Variants in UST observed in about 807,000 individuals in gnomAD.
UST encodes uronyl 2-sulfotransferase.
In UST, 21 loss-of-function variants were observed where a neutral mutation model predicts 45.6. The observed-to-expected ratio is 0.46, with a 90% CI of 0.33 to 0.66. UST has a LOEUF of 0.66. Among genes scored for constraint, UST ranks in the 30% least tolerant of loss-of-function variants. The pLI, the probability that UST is intolerant of heterozygous loss-of-function variation, is 0.02. For missense variants in UST, 463 were observed against 512.4 expected (o/e 0.90, Z 0.93); for synonymous variants, 215 against 200.6 (o/e 1.07, Z -0.61).
chr6:148,994,211 A>G (rs150785513), intron 5 of UST, among the ~76,000 whole-genome samples: 50 of 152,014 alleles, frequency 3.3e-4, no homozygotes, highest in African/African-American at 1.1e-3. Flanking sequence ...GCCTCAAGTG[A>G]TCCACTTGCC....
At chr6:148,917,299 T>G (rs1048057089) in intron 2 of UST, among the ~76,000 whole-genome samples, 1 of 152,220 alleles carries the variant, frequency 6.6e-6, no homozygotes, top group Admixed American at 6.5e-5. Flanking sequence ...TAGCTGCATT[T>G]AGCCCATTAC....
chr6:148,946,189 T>G (rs1780231228), intron 3 of UST, among the ~76,000 whole-genome samples: 1 of 152,104 alleles, frequency 6.6e-6, no homozygotes, highest in African/African-American at 2.4e-5. Flanking sequence ...CAGGGATCCC[T>G]AAGGCATGGT....
chr6:148,752,072 T>C (rs1480265384), intron 1 of UST, among the ~76,000 whole-genome samples: 2 of 152,222 alleles, frequency 1.3e-5, no homozygotes, highest in African/African-American at 2.4e-5. Flanking sequence ...TATACCACTT[T>C]AAATGGAGAT....
At chr6:148,770,708 C>T (rs1776409481) in intron 1 of UST, among the ~76,000 whole-genome samples, 2 of 152,122 alleles carry the variant, frequency 1.3e-5, no homozygotes, top group Admixed American at 6.5e-5. Context: ...GTCACGTGCA[C>T]CTCTTCCCTC....
At chr6:149,001,171 A>G (rs1021146784) in intron 5 of UST, among the ~76,000 whole-genome samples, 1 of 150,440 alleles carries the variant, frequency 6.6e-6, no homozygotes. Context: ...TCCCAGGTTC[A>G]TGCCATTCTC....
chr6:148,954,138 T>C (rs755268506), intron 4 of UST, among the ~76,000 whole-genome samples, 187 bp downstream of exon 4: 4 of 152,236 alleles, frequency 2.6e-5, no homozygotes, highest in Non-Finnish European at 5.9e-5. Context: ...CCTAGACTAC[T>C]GTCTTAAATC....
chr6:148,868,301 G>T (rs750069294), intron 1 of UST, among the ~76,000 whole-genome samples: 2 of 152,292 alleles, frequency 1.3e-5, no homozygotes, highest in South Asian at 4.1e-4. Context: ...TGGAATTCAC[G>T]AATGTGTTTT....
intron 5 of UST, among the ~76,000 whole-genome samples, chr6:149,009,382 A>G (rs375396518): frequency 3.3e-5 from 5 of 152,296 alleles, no homozygotes. Context: ...AGAGAAGATT[A>G]TTTAAACACA....
At chr6:148,868,906 T>TAAAA (rs1362463317) in intron 1 of UST, among the ~76,000 whole-genome samples, 1 of 152,224 alleles carries the variant, frequency 6.6e-6, no homozygotes, top group African/African-American at 2.4e-5. Context: ...TCGTAAGAGT[T>TAAAA]ACACTTTATG....
At chr6:148,794,933 C>T (rs1233732000) in intron 1 of UST, among the ~76,000 whole-genome samples, 1 of 152,168 alleles carries the variant, frequency 6.6e-6, no homozygotes. Context: ...AGGTCCACAG[C>T]CTCTTTGACG....
chr6:148,957,909 G>T (rs951615930), intron 4 of UST, among the ~76,000 whole-genome samples: 2 of 152,154 alleles, frequency 1.3e-5, no homozygotes, highest in African/African-American at 4.8e-5. Context: ...TAATATTATT[G>T]TTGATATTTC....
intron 5 of UST, among the ~76,000 whole-genome samples, chr6:149,005,055 G>T (rs544150549): frequency 1.3e-5 from 2 of 151,882 alleles, no homozygotes; most frequent in Non-Finnish European, 2.9e-5. Flanking sequence ...GCCCAGGCTG[G>T]TGATCAGATG....
At chr6:148,870,104 T>TCTCACACA (rs377724567) in intron 1 of UST, among the ~76,000 whole-genome samples, 4 of 141,448 alleles carry the variant, frequency 2.8e-5, no homozygotes, top group Non-Finnish European at 6.1e-5. Context: ...TGGTAATGTT[T>TCTCACACA]CACACACACA....
At chr6:148,779,330 A>G (rs1776594057) in intron 1 of UST, among the ~76,000 whole-genome samples, 1 of 152,248 alleles carries the variant, frequency 6.6e-6, no homozygotes, top group Admixed American at 6.5e-5. Flanking sequence ...CTTTTTAAGA[A>G]TACTTTGAGA....
chr6:148,979,919 C>T (rs1218343928), intron 5 of UST, among the ~76,000 whole-genome samples: 1 of 152,182 alleles, frequency 6.6e-6, no homozygotes, highest in Non-Finnish European at 1.5e-5. Flanking sequence ...CATAAATCAG[C>T]ATATGCCTTT....
In UST at chr6:148,982,104, G is replaced by GTT. The variant is rs34290272; in HGVS notation, c.681+17552_681+17553dup. On this transcript the variant is annotated intron_variant, in intron 5 of 7. Transcript: ENST00000367463. Reference sequence around the variant, plus strand: ...GAACTCCCTCCATCAAGCCTTTTTTGTTTTTTTTTTTTGAGATGGAGTCTT... The same window carrying GTT: ...GAACTCCCTCCATCAAGCCTTTTTTGTTTTTTTTTTTTTTGAGATGGAGTCTT... Among the ~76,000 whole-genome samples the GTT allele has an allele frequency of 4.4e-3, 640 of 145,190 alleles. 4 individuals are homozygous for GTT. Among genetic ancestry groups the GTT allele is most frequent in the African/African-American group, 9.5e-3 (374 of 39,484 alleles).
rs1779983312 is a variant in UST, at chr6:148,934,589, A to G, written c.292-6690A>G. ...CAACACACAATGAGACCCCAGGAAG[A>G]CACAACAGTGCCCTTCGCCCCAACT... is the stretch of plus-strand genomic sequence containing the variant. On this transcript the variant is annotated intron_variant, in intron 2 of 7. Coordinates refer to ENST00000367463, the MANE Select transcript of UST (RefSeq NM_005715.3). This position sits in a 1 kb window ranked among gnomAD's most constrained non-coding sequence, Gnocchi z 4.1. Among the ~76,000 whole-genome samples, 2 of 152,144 alleles carry G rather than the reference A, an allele frequency of 1.3e-5. No individual in the cohort carries two copies. Among genetic ancestry groups the G allele is most frequent in the African/African-American group, 4.8e-5 (2 of 41,444 alleles).
In UST at chr6:149,042,999, C is replaced by A. The variant is rs1025800728; in HGVS notation, c.937+21518C>A. Reference sequence around the variant, plus strand: ...TCTTTCTTTCTTTCTTTCTTTCTTTCTTTCTTTCTTTCTTTCTTTCTTTTT... The same window carrying A: ...TCTTTCTTTCTTTCTTTCTTTCTTTATTTCTTTCTTTCTTTCTTTCTTTTT... On this transcript the variant is annotated intron_variant, in intron 7 of 7. Coordinates refer to ENST00000367463, the MANE Select transcript of UST (RefSeq NM_005715.3). 6.8e-5 allele frequency among the ~76,000 whole-genome samples: 8 copies of A among 117,680 alleles called. No individual in the cohort carries two copies. The South Asian group carries it at 1.8e-3, about 26-fold the overall frequency. 77.2% of individuals were successfully genotyped at this position (117,680 alleles called of 152,430 possible).
In UST at chr6:149,013,419, G is replaced by A. The variant is rs143105964; in HGVS notation, c.682-5720G>A. ...TGGCTGCCTGTAATCCCAACTACTCGGGAGGCTGAGGCAGAAAAATCATTT... is the reference window on the plus strand; with the variant it reads ...TGGCTGCCTGTAATCCCAACTACTCAGGAGGCTGAGGCAGAAAAATCATTT... On this transcript the variant is annotated intron_variant, in intron 5 of 7. Coordinates refer to ENST00000367463, the MANE Select transcript of UST (RefSeq NM_005715.3). 4.2e-3 allele frequency among the ~76,000 whole-genome samples: 637 copies of A among 152,058 alleles called. 7 individuals are homozygous for A. The highest frequency in any genetic ancestry group is 0.014 in the African/African-American group (596 of 41,460).
Sources: allele counts gnomAD v4.1 joint callset (sites outside exome capture counted in the v4.1 genomes callset), GRCh38; gene constraint gnomAD v4.1.1; non-coding constraint Gnocchi (gnomAD v3.1); transcripts MANE v1.5; gene names NCBI Gene and HGNC (gene_info 2026-07-23, HGNC 2026-07-21).